Variants in GSG1L observed in about 807,000 individuals in gnomAD.
GSG1L encodes the protein GSG1 like.
Under a neutral mutation model 42.1 loss-of-function variants are expected in GSG1L, and 24 were observed. That is an observed-to-expected ratio of 0.57 (90% confidence interval 0.41 to 0.80). GSG1L has a LOEUF of 0.80. Ranked by LOEUF, GSG1L falls within the 30% of genes least tolerant of loss-of-function variation. The probability of loss-of-function intolerance (pLI) is 0.00; values close to 1 mark genes in which losing one functional copy is unlikely to be tolerated. For missense variants in GSG1L, 445 were observed against 472.2 expected (o/e 0.94, Z 0.53); for synonymous variants, 215 against 203.5 (o/e 1.06, Z -0.48).
chr16:27,836,877 T>C (rs1018223102), intron 4 of GSG1L, among the ~76,000 whole-genome samples: 4 of 152,222 alleles, frequency 2.6e-5, no homozygotes, highest in African/African-American at 7.2e-5. Context: ...TGGCATGGTA[T>C]GTGATTTTAA....
chr16:28,004,986 C>T (rs2085622970), intron 1 of GSG1L, among the ~76,000 whole-genome samples: 1 of 152,148 alleles, frequency 6.6e-6, no homozygotes, highest in Non-Finnish European at 1.5e-5. Flanking sequence ...CCATAAAAAG[C>T]ACCACAAATA....
At chr16:28,000,188 C>T (rs899612230) in intron 1 of GSG1L, among the ~76,000 whole-genome samples, 1 of 152,192 alleles carries the variant, frequency 6.6e-6, no homozygotes, top group African/African-American at 2.4e-5. Flanking sequence ...TAGGCCACAG[C>T]GGGGCGCAGT....
rs538136778 is a variant in GSG1L, at chr16:27,923,632, C to T, written c.398-38994G>A. ...TGGCGGGTGCCTGTGGTCCCAGCTA[C>T]TTGGGAGGCTGAGGCAGGAGAATCA... On this transcript the variant is annotated intron_variant, in intron 2 of 6. Coordinates refer to ENST00000447459, the MANE Select transcript of GSG1L (RefSeq NM_001109763.2). Among the ~76,000 whole-genome samples the T allele has an allele frequency of 5.9e-5, 9 of 151,460 alleles. No individual in the cohort carries two copies. In the East Asian group the frequency reaches 1.4e-3, roughly 23 times the overall value.
intron 1 of GSG1L, among the ~76,000 whole-genome samples, chr16:28,009,373 C>G (rs78276515): frequency 4.6e-5 from 7 of 152,040 alleles, no homozygotes; most frequent in Admixed American, 2.6e-4. Flanking sequence ...CCCTGCCCCC[C>G]CTGCATGCCC....
At chr16:27,915,993 C>T (rs960990150) in intron 2 of GSG1L, among the ~76,000 whole-genome samples, 8 of 152,190 alleles carry the variant, frequency 5.3e-5, no homozygotes, top group African/African-American at 1.9e-4. Flanking sequence ...ACATCACTCC[C>T]TGGCTGCCAT....
At chr16:28,051,968 G>A (rs1216037080) in intron 1 of GSG1L, among the ~76,000 whole-genome samples, 1 of 152,136 alleles carries the variant, frequency 6.6e-6, no homozygotes, top group Non-Finnish European at 1.5e-5. Flanking sequence ...GGCCAGAGAC[G>A]GTGCAGGCTC....
At chr16:27,883,560 C>A (rs1454937593) in intron 3 of GSG1L, among the ~76,000 whole-genome samples, 1 of 152,188 alleles carries the variant, frequency 6.6e-6, no homozygotes, top group East Asian at 1.9e-4. Flanking sequence ...GGAGAGATTA[C>A]TTCCCTTACC....
At chr16:27,842,609 G>C (rs1463522264) in intron 4 of GSG1L, among the ~76,000 whole-genome samples, 1 of 152,072 alleles carries the variant, frequency 6.6e-6, no homozygotes, top group Non-Finnish European at 1.5e-5. Context: ...CAGGGGGAAG[G>C]GTTGGGTAAA....
intron 2 of GSG1L, among the ~76,000 whole-genome samples, chr16:27,916,364 G>A (rs1192606009): frequency 6.6e-6 from 1 of 151,902 alleles, no homozygotes; most frequent in Non-Finnish European, 1.5e-5. Flanking sequence ...TGCCCAGGCT[G>A]GAGTACAGTG....
intron 1 of GSG1L, among the ~76,000 whole-genome samples, chr16:28,032,107 C>T (rs922813057): frequency 1.1e-4 from 16 of 152,226 alleles, no homozygotes; most frequent in African/African-American, 3.9e-4. Context: ...ACAGCTCCGG[C>T]TCTTTTACTG....
At chr16:28,005,021 C>T (rs1044240710) in intron 1 of GSG1L, among the ~76,000 whole-genome samples, 1 of 152,176 alleles carries the variant, frequency 6.6e-6, no homozygotes, top group African/African-American at 2.4e-5. Context: ...CAGACAGTTC[C>T]TATCTCACAG....
At chr16:27,970,631 G>A (rs2085184901) in intron 1 of GSG1L, among the ~76,000 whole-genome samples, 1 of 151,432 alleles carries the variant, frequency 6.6e-6, no homozygotes, top group Non-Finnish European at 1.5e-5. Context: ...TGAACTCTTG[G>A]GCTCAAGTGA....
At chr16:27,818,553 A>G (rs959912732) in intron 5 of GSG1L, among the ~76,000 whole-genome samples, 9 of 152,122 alleles carry the variant, frequency 5.9e-5, no homozygotes, top group African/African-American at 1.9e-4. Context: ...AGCAGTGAAG[A>G]CAGATGGATG....
intron 1 of GSG1L, among the ~76,000 whole-genome samples, chr16:27,976,454 T>C (rs117594529): frequency 0.022 from 3,345 of 152,286 alleles, 79 homozygotes; most frequent in Non-Finnish European, 0.034. Context: ...TAGTACTTCA[T>C]AAATCGTCTT....
chr16:27,878,225 A>G (rs1316214663), intron 3 of GSG1L, among the ~76,000 whole-genome samples: 1 of 152,134 alleles, frequency 6.6e-6, no homozygotes, highest in African/African-American at 2.4e-5. Context: ...GCTAATAAAG[A>G]CATACCCAAG....
chr16:27,891,309 T>C (rs2084123002), intron 2 of GSG1L, among the ~76,000 whole-genome samples: 1 of 152,176 alleles, frequency 6.6e-6, no homozygotes, highest in African/African-American at 2.4e-5. Context: ...AGCATTCTTA[T>C]TACCTCAATC....
intron 1 of GSG1L, among the ~76,000 whole-genome samples, chr16:27,978,413 C>CT (rs1218284218): frequency 1.3e-5 from 2 of 152,210 alleles, no homozygotes; most frequent in Non-Finnish European, 2.9e-5. Context: ...ACTGTGCCAG[C>CT]TGGGCGCAGT....
intron 2 of GSG1L, among the ~76,000 whole-genome samples, chr16:27,917,940 CA>C (rs1019937233): frequency 1.2e-3 from 181 of 148,612 alleles, no homozygotes; most frequent in Non-Finnish European, 1.3e-3. Flanking sequence ...CTCTTGGGAC[CA>C]AAAAAAAAAT....
At chr16:27,818,180 T>C (rs1182989646) in intron 5 of GSG1L, among the ~76,000 whole-genome samples, 1 of 152,122 alleles carries the variant, frequency 6.6e-6, no homozygotes, top group Non-Finnish European at 1.5e-5. Context: ...ATGGCCATGA[T>C]CAAAGAGCCA....
Sources: gnomAD v4.1 joint callset for allele counts (sites outside exome capture counted in the v4.1 genomes callset) on GRCh38, gnomAD v4.1.1 for gene constraint, MANE v1.5 for transcripts, NCBI Gene and HGNC (gene_info 2026-07-23, HGNC 2026-07-21) for gene names.